Variants in SLC37A3 observed in about 807,000 individuals in gnomAD.
SLC37A3 encodes the protein solute carrier family 37 member 3.
Under a neutral mutation model 67.1 loss-of-function variants are expected in SLC37A3, and 51 were observed. The ratio of observed to expected loss-of-function variants is 0.76; its 90% confidence interval spans 0.61 to 0.96. SLC37A3 has a LOEUF of 0.96. SLC37A3 is among the 40% of genes least tolerant of loss of function. The probability of loss-of-function intolerance (pLI) is 0.00; values close to 1 mark genes in which losing one functional copy is unlikely to be tolerated. For missense variants in SLC37A3, 508 were observed against 603.0 expected (o/e 0.84, Z 1.65); for synonymous variants, 214 against 231.4 (o/e 0.92, Z 0.68).
chr7:140,341,640 G>A (rs576417138), intron 13 of SLC37A3, among the ~76,000 whole-genome samples: 1 of 152,304 alleles, frequency 6.6e-6, no homozygotes, highest in East Asian at 1.9e-4. Context: ...AAAGCTAACA[G>A]TGATTTACTC....
chr7:140,354,370 A>C (rs11763598), intron 7 of SLC37A3, among the ~76,000 whole-genome samples: 83,347 of 151,960 alleles, frequency 0.55, 22,996 homozygotes, highest in South Asian at 0.64. Flanking sequence ...CAGGTTCTTA[A>C]AAGTACAACA....
chr7:140,334,180 T>C lies in SLC37A3; in HGVS notation c.*1232A>G, dbSNP rs1796046971. Reference sequence around the variant, plus strand: ...TGGACTTTACAATGGTGTGAAATGGTTGCAATTTCAACATAATGTACAATA... The same window carrying C: ...TGGACTTTACAATGGTGTGAAATGGCTGCAATTTCAACATAATGTACAATA... On this transcript the variant is annotated 3_prime_UTR_variant, in exon 15 of 15. Transcript: ENST00000326232. The C allele has an allele frequency of 6.6e-6, 1 of 152,180 alleles. No homozygotes were observed. The allele number at this position is 152,180 out of a possible 1,614,324, so 9.4% of individuals were successfully genotyped here.
At chr7:140,353,520 C>T (rs928346678) in intron 7 of SLC37A3, among the ~76,000 whole-genome samples, 7 of 151,792 alleles carry the variant, frequency 4.6e-5, no homozygotes, top group Non-Finnish European at 7.4e-5. Flanking sequence ...TCCTTCCTAC[C>T]CCACCTTCCC....
chr7:140,352,594 G>A (rs1009965535), intron 7 of SLC37A3, among the ~76,000 whole-genome samples: 2 of 152,108 alleles, frequency 1.3e-5, no homozygotes, highest in Non-Finnish European at 2.9e-5. Context: ...AACATATACG[G>A]GAATCCAGAT....
At chr7:140,345,157 CT>C in intron 12 of SLC37A3, 58 bp downstream of exon 12, 1 of 1,484,188 alleles carries the variant, frequency 6.7e-7, no homozygotes. Flanking sequence ...AACAGTTTCC[CT>C]TTTCCTCTGA....
At chr7:140,364,698 C>CACAA (rs954194017) in intron 4 of SLC37A3, among the ~76,000 whole-genome samples, 4 of 141,896 alleles carry the variant, frequency 2.8e-5, no homozygotes, top group South Asian at 4.4e-4. Context: ...ACAGTGAAAA[C>CACAA]AAAAAAGTTA....
At position 140,352,121 on chromosome 7, in the gene SLC37A3, A is replaced by AC. The variant is rs1796833228; in HGVS notation, c.643dup (p.Val215GlyfsTer26). The AC allele has an allele frequency of 3.1e-6, 5 of 1,613,366 alleles. No homozygotes were observed. Among genetic ancestry groups the AC allele is most frequent in the Non-Finnish European group, 4.2e-6 (5 of 1,179,870 alleles). On this transcript the variant is annotated frameshift_variant, in exon 8 of 15. Transcript: ENST00000326232. LOFTEE classifies it high-confidence loss of function. ...GATAACGATCCCACCAGCAAACTGC[A>AC]CAGACGCCGTCACCAGAAAGGCATA...
intron 1 of SLC37A3, among the ~76,000 whole-genome samples, chr7:140,393,143 G>T (rs1010384049): frequency 3.3e-5 from 5 of 151,738 alleles, no homozygotes; most frequent in African/African-American, 1.2e-4. Context: ...AGTCCACCCT[G>T]ATCTCCTAAC....
intron 9 of SLC37A3, 72 bp from the exon 10 acceptor site, chr7:140,348,839 A>C (rs1796683960): frequency 6.4e-7 from 1 of 1,565,866 alleles, no homozygotes; most frequent in Non-Finnish European, 8.7e-7. Flanking sequence ...AATGTCATTT[A>C]AAAGCAAAAC....
In SLC37A3 at chr7:140,352,143, C is replaced by A; in HGVS notation, c.622G>T (p.Ala208Ser). ...TGCACAGACGCCGTCACCAGAAAGG[C>A]ATACTGGAGGAGAGGGGTGAAAGGT... ...SSVLQYGYEY[A>S]FLVTASVQFA... Residue 208 changes from alanine (A) to serine (S), a missense_variant, in exon 8 of 15, where the codon GCC becomes TCC. Transcript: ENST00000326232. 1.3e-6 allele frequency: 2 copies of A among 1,595,038 alleles called. No homozygotes were observed. Among genetic ancestry groups the A allele is most frequent in the Non-Finnish European group, 8.5e-7 (1 of 1,169,654 alleles).
intron 5 of SLC37A3, among the ~76,000 whole-genome samples, chr7:140,360,274 A>C (rs1335636602): frequency 3.3e-5 from 5 of 152,074 alleles, no homozygotes; most frequent in African/African-American, 1.2e-4. Context: ...CGAGCTTGGG[A>C]GTTCAAGGCT....
chr7:140,338,768 G>A (rs532855734), intron 13 of SLC37A3, among the ~76,000 whole-genome samples: 4 of 150,904 alleles, frequency 2.7e-5, no homozygotes, highest in South Asian at 2.1e-4. Flanking sequence ...CACTGCGCCC[G>A]GACTTTCTTT....
At chr7:140,355,025 G>A (rs560023830) in intron 7 of SLC37A3, among the ~76,000 whole-genome samples, 20 of 152,204 alleles carry the variant, frequency 1.3e-4, no homozygotes, top group Admixed American at 8.5e-4. Flanking sequence ...GATTACAGGC[G>A]TGAGCCACCA....
rs540545215 is a variant in SLC37A3 at position 140,335,224 on chromosome 7, T to G, written c.*188A>C. ...AACAGCAAAAATCATCAACAGTAAT[T>G]CCTGTAGTGTAGAAAACTAGTGCAG... On this transcript the variant is annotated 3_prime_UTR_variant, in exon 15 of 15. Transcript: ENST00000326232. The G allele has an allele frequency of 1.9e-6, 3 of 1,610,914 alleles. No homozygotes were observed. The highest frequency in any genetic ancestry group is 1.7e-6 in the Non-Finnish European group (2 of 1,177,738).
chr7:140,390,411 CT>C (rs1408345617), intron 1 of SLC37A3, among the ~76,000 whole-genome samples: 1 of 152,098 alleles, frequency 6.6e-6, no homozygotes, highest in African/African-American at 2.4e-5. Flanking sequence ...TTCACTTCCC[CT>C]AAGGCCTTTC....
intron 10 of SLC37A3, 152 bp from the exon 11 acceptor site, chr7:140,346,122 G>A (rs1796549468): frequency 1.6e-6 from 1 of 621,900 alleles, no homozygotes; most frequent in Non-Finnish European, 2.9e-6. Flanking sequence ...GCTCACACCT[G>A]TAATCCCAGC....
At chr7:140,380,152 T>C in intron 3 of SLC37A3, 130 bp downstream of exon 3, 2 of 517,722 alleles carry the variant, frequency 3.9e-6, no homozygotes, top group South Asian at 5.6e-5. Context: ...AGTTTGGCTC[T>C]TATGTGATAG....
chr7:140,378,737 CAAA>C (rs952874283), intron 3 of SLC37A3, among the ~76,000 whole-genome samples: 3 of 111,132 alleles, frequency 2.7e-5, no homozygotes, highest in African/African-American at 3.3e-5. Context: ...CTCCATCTCA[CAAA>C]AAAAAAAAAA....
At chr7:140,355,116 T>C (rs561862865) in intron 7 of SLC37A3, among the ~76,000 whole-genome samples, 21 of 152,254 alleles carry the variant, frequency 1.4e-4, no homozygotes, top group African/African-American at 4.3e-4. Context: ...AGACTCTCCA[T>C]AGTGTTTTTG....
Sources: gnomAD v4.1 joint callset for allele counts (sites outside exome capture counted in the v4.1 genomes callset) on GRCh38, gnomAD v4.1.1 for gene constraint, MANE v1.5 for transcripts, NCBI Gene and HGNC (gene_info 2026-07-23, HGNC 2026-07-21) for gene names.